LNP1: variants seen among roughly 807,000 people sequenced by gnomAD.
The protein encoded by LNP1 is leukemia NUP98 fusion partner 1.
Under a neutral mutation model 14.5 loss-of-function variants are expected in LNP1, and 12 were observed. The observed-to-expected ratio is 0.83, with a 90% CI of 0.53 to 1.34. The LOEUF (loss-of-function observed/expected upper bound fraction) is 1.34. Among genes scored for constraint, LNP1 ranks in the 40% most tolerant of loss-of-function variants. The pLI is 0.00. For missense variants in LNP1, 198 were observed against 210.9 expected, an observed-to-expected ratio of 0.94 and a Z score of 0.38; for synonymous variants, 75 against 71.4, an observed-to-expected ratio of 1.05 and a Z score of -0.26.
intron 2 of LNP1, among the ~76,000 whole-genome samples, chr3:100,446,507 A>C (rs1357442745): frequency 6.6e-6 from 1 of 152,186 alleles, no homozygotes; most frequent in African/African-American, 2.4e-5. Context: ...CTAGAAGAAA[A>C]CCTAGGCAAT....
chr3:100,407,016 T>C (rs964461783), intron 1 of LNP1, among the ~76,000 whole-genome samples: 17 of 152,254 alleles, frequency 1.1e-4, no homozygotes, highest in African/African-American at 4.1e-4. Flanking sequence ...AGTATTTTTA[T>C]ATTGCATATC....
rs565769310 is a variant in LNP1, at chr3:100,418,059, A to ACTTTTTTTTTTT, written c.-33-11638_-33-11637insCTTTTTTTTTTT. Among the ~76,000 whole-genome samples the ACTTTTTTTTTTT allele has an allele frequency of 1.2e-4, 14 of 115,616 alleles. 6 individuals are homozygous for ACTTTTTTTTTTT. The highest frequency in any genetic ancestry group is 1.9e-4 in the African/African-American group (6 of 30,808). 75.8% of individuals were successfully genotyped at this position (115,616 alleles called of 152,430 possible). A position where few individuals can be genotyped will look rare whatever the true frequency, so the allele number is the denominator to read the frequency against. ...GTTTTGTTCTTTCATTTCTCATACCATTTTTTTTTTTTTTTTTTGAGATGG... is the reference window on the plus strand; with the variant it reads ...GTTTTGTTCTTTCATTTCTCATACCACTTTTTTTTTTTTTTTTTTTTTTTTTTTTTGAGATGG... On this transcript the variant is annotated intron_variant, in intron 1 of 3. Coordinates refer to ENST00000383693, the MANE Select transcript of LNP1 (RefSeq NM_001085451.2).
chr3:100,401,805 C>T lies in LNP1; in HGVS notation c.-668C>T, dbSNP rs1706909903. The stretch of plus-strand genomic sequence containing the variant: ...ATGGCACATCTAGGTTGGCTGCAGT[C>T]GAAACGGTTTGAGCGTGGTCGCTGT... On this transcript the variant is annotated 5_prime_UTR_variant, in exon 1 of 4. Coordinates refer to ENST00000383693, the MANE Select transcript of LNP1 (RefSeq NM_001085451.2). The T allele has an allele frequency of 6.6e-6, 1 of 152,208 alleles. No homozygotes were observed. The highest frequency in any genetic ancestry group is 1.5e-5 in the Non-Finnish European group (1 of 68,052). The allele number at this position is 152,208 out of a possible 1,614,324, so 9.4% of individuals were successfully genotyped here. A position where few individuals can be genotyped will look rare whatever the true frequency, so the allele number is the denominator to read the frequency against.
intron 2 of LNP1, among the ~76,000 whole-genome samples, chr3:100,445,757 TA>T (rs1707381489): frequency 6.6e-6 from 1 of 152,098 alleles, no homozygotes; most frequent in Non-Finnish European, 1.5e-5. Context: ...AAAGTCTCAG[TA>T]TACAAAATCT....
rs1181508079 is a variant in LNP1, at chr3:100,453,728, C to T, written c.387+1779C>T. ...CACCTAGATTACCTCCAAATGTTAA[C>T]ATGTCCCTATTTGCCTACACTATCT... On this transcript the variant is annotated intron_variant, in intron 3 of 3. Transcript: ENST00000383693. 3.3e-5 allele frequency among the ~76,000 whole-genome samples: 5 copies of T among 152,046 alleles called. No homozygotes were observed. The East Asian group carries it at 7.7e-4, about 23-fold the overall frequency.
intron 1 of LNP1, among the ~76,000 whole-genome samples, chr3:100,415,803 T>C (rs996600639): frequency 6.6e-6 from 1 of 152,204 alleles, no homozygotes; most frequent in Non-Finnish European, 1.5e-5. Context: ...AAGCAAAGAA[T>C]TGGAACTTTG....
intron 2 of LNP1, among the ~76,000 whole-genome samples, chr3:100,442,234 T>G (rs1707350625): frequency 6.6e-6 from 1 of 152,214 alleles, no homozygotes; most frequent in Non-Finnish European, 1.5e-5. Context: ...TACTTAATGT[T>G]TTAACCAATT....
intron 2 of LNP1, among the ~76,000 whole-genome samples, chr3:100,430,895 G>C (rs1220788013): frequency 6.6e-6 from 1 of 152,156 alleles, no homozygotes; most frequent in Non-Finnish European, 1.5e-5. Context: ...CATACTCAGG[G>C]ACAAAGGGCA....
chr3:100,411,888 G>A lies in LNP1; in HGVS notation c.-34+9449G>A, dbSNP rs77797218. 3.2e-4 allele frequency among the ~76,000 whole-genome samples: 49 copies of A among 152,072 alleles called. No individual in the cohort carries two copies. In the East Asian group the frequency reaches 6.6e-3, roughly 20 times the overall value. On this transcript the variant is annotated intron_variant, in intron 1 of 3. Transcript: ENST00000383693. ...ATATGGATTTTGGGGGAACACGGGGGACAAAAATATTCAGTCCATAATAGT... is the reference window on the plus strand; with the variant it reads ...ATATGGATTTTGGGGGAACACGGGGAACAAAAATATTCAGTCCATAATAGT...
At chr3:100,424,480 G>C (rs960909563) in intron 1 of LNP1, among the ~76,000 whole-genome samples, 1 of 152,142 alleles carries the variant, frequency 6.6e-6, no homozygotes, top group Admixed American at 6.6e-5. Context: ...GCAATGCTTT[G>C]TGGCCATTGT....
Position 100,455,968 on chromosome 3 carries a change from G to T in LNP1, c.*42G>T, listed in dbSNP as rs966731010. ...CATGACATCAGATGCTACTGTTTTG[G>T]TTTTTTTCTTTGAGCCCCAATTCAC... On this transcript the variant is annotated 3_prime_UTR_variant, in exon 4 of 4. Transcript: ENST00000383693. 1.1e-5 allele frequency: 17 copies of T among 1,566,686 alleles called. No homozygotes were observed. Among genetic ancestry groups the T allele is most frequent in the East Asian group, 6.8e-5 (3 of 44,206 alleles).
At chr3:100,437,252 T>A (rs1434557652) in intron 2 of LNP1, among the ~76,000 whole-genome samples, 2 of 152,354 alleles carry the variant, frequency 1.3e-5, no homozygotes, top group East Asian at 3.9e-4. Flanking sequence ...GTTTGGCTAC[T>A]GCAGCTTCGG....
chr3:100,419,003 T>C (rs2148901022), intron 1 of LNP1, among the ~76,000 whole-genome samples: 1 of 152,314 alleles, frequency 6.6e-6, no homozygotes, highest in East Asian at 1.9e-4. Context: ...TTCTTTCTTC[T>C]TCCTCCTGCA....
chr3:100,442,623 T>C (rs765285722), intron 2 of LNP1, among the ~76,000 whole-genome samples: 1 of 152,134 alleles, frequency 6.6e-6, no homozygotes, highest in Non-Finnish European at 1.5e-5. Context: ...AAGGAGGCAA[T>C]CAGATATGCA....
intron 1 of LNP1, among the ~76,000 whole-genome samples, chr3:100,420,574 C>A (rs1707134459): frequency 6.6e-6 from 1 of 152,146 alleles, no homozygotes; most frequent in South Asian, 2.1e-4. Flanking sequence ...ATCTTGGCCT[C>A]CCAAAGTGCT....
intron 2 of LNP1, among the ~76,000 whole-genome samples, chr3:100,442,286 A>G (rs981834287): frequency 6.6e-6 from 1 of 152,142 alleles, no homozygotes. Flanking sequence ...TTACTGATCA[A>G]GAAGATGTGA....
At chr3:100,422,290 T>C (rs1707150945) in intron 1 of LNP1, among the ~76,000 whole-genome samples, 1 of 151,394 alleles carries the variant, frequency 6.6e-6, no homozygotes, top group South Asian at 2.1e-4. Context: ...TTCAGGCCAT[T>C]CTCCTGCCTC....
chr3:100,420,274 T>G (rs1005425142), intron 1 of LNP1, among the ~76,000 whole-genome samples: 6 of 152,198 alleles, frequency 3.9e-5, no homozygotes, highest in Admixed American at 2.0e-4. Flanking sequence ...TGGCTTGTTT[T>G]CTTGTTTTCT....
rs148186390 is a variant in LNP1 at position 100,408,684 on chromosome 3, G to A, written c.-34+6245G>A. ...TTACTGGCCTGAAGTCATGGGTCATGGGGGGGTCTACCCAGTGCTGAGTTT... is the reference window on the plus strand; with the variant it reads ...TTACTGGCCTGAAGTCATGGGTCATAGGGGGGTCTACCCAGTGCTGAGTTT... On this transcript the variant is annotated intron_variant, in intron 1 of 3. Transcript: ENST00000383693. Among the ~76,000 whole-genome samples, 11 of 152,184 alleles carry A rather than the reference G, an allele frequency of 7.2e-5. No homozygotes were observed. The East Asian group carries it at 1.9e-3, about 27-fold the overall frequency.
Sources: gnomAD v4.1 joint callset for allele counts (sites outside exome capture counted in the v4.1 genomes callset) on GRCh38, gnomAD v4.1.1 for gene constraint, MANE v1.5 for transcripts, NCBI Gene and HGNC (gene_info 2026-07-23, HGNC 2026-07-21) for gene names.